PCNX4: variants seen among roughly 807,000 people sequenced by gnomAD.
PCNX4 encodes pecanex 4.
A neutral mutation model predicts 107.2 loss-of-function variants in PCNX4; 103 were observed. That is an observed-to-expected ratio of 0.96 (90% confidence interval 0.82 to 1.13). PCNX4 has a LOEUF of 1.13. Ranked by LOEUF, PCNX4 falls within the 50% of genes most tolerant of loss-of-function variation. The pLI is 0.00. For synonymous variants in PCNX4, 541 were observed against 481.7 expected, an observed-to-expected ratio of 1.12 and a Z score of -1.61; for missense variants, 1,528 against 1,379.4, an observed-to-expected ratio of 1.11 and a Z score of -1.71.
chr14:60,141,740 G>A lies in PCNX4; in HGVS notation c.*7519G>A, dbSNP rs1382290764. On this transcript the variant is annotated 3_prime_UTR_variant, in exon 11 of 11. Coordinates refer to ENST00000406854, the MANE Select transcript of PCNX4 (RefSeq NM_001330177.2). ...TTTTATCGCTGAGTAGTGCTGCATG[G>A]TATAGAATATAACAGTTTGTTTATA... 6.6e-6 allele frequency: 1 copy of A among 152,168 alleles called. No homozygotes were observed. Among genetic ancestry groups the A allele is most frequent in the East Asian group, 1.9e-4 (1 of 5,202 alleles). The allele number at this position is 152,168 out of a possible 1,614,324, so 9.4% of individuals were successfully genotyped here.
At chr14:60,099,917 TAGTC>T (rs1023956740) in intron 1 of PCNX4, among the ~76,000 whole-genome samples, 2 of 151,316 alleles carry the variant, frequency 1.3e-5, no homozygotes, top group South Asian at 4.2e-4. Context: ...AAAAAAAAAT[TAGTC>T]AGGGGTGGTG....
At chr14:60,132,538 C>T (rs1238136471) in intron 10 of PCNX4, among the ~76,000 whole-genome samples, 1 of 152,022 alleles carries the variant, frequency 6.6e-6, no homozygotes, top group Non-Finnish European at 1.5e-5. Flanking sequence ...TCTTCATGAC[C>T]TTAAACTTGG....
intron 2 of PCNX4, chr14:60,108,558 G>C: frequency 6.2e-6 from 2 of 323,616 alleles, no homozygotes; most frequent in Non-Finnish European, 1.2e-5. Context: ...TTTGAGATAA[G>C]GAACTTTTCA....
chr14:60,121,818 G>C (rs537388709), intron 8 of PCNX4, among the ~76,000 whole-genome samples: 2 of 152,194 alleles, frequency 1.3e-5, no homozygotes, highest in Non-Finnish European at 2.9e-5. Flanking sequence ...AAGGTCTCTA[G>C]TGACTGGCAC....
intron 1 of PCNX4, among the ~76,000 whole-genome samples, chr14:60,098,006 C>T (rs531743547): frequency 2.2e-4 from 34 of 152,230 alleles, no homozygotes; most frequent in East Asian, 1.9e-3. Context: ...TCTTCGACTT[C>T]GACGAGGACC....
chr14:60,125,512 A>G, intron 9 of PCNX4, 125 bp from the exon 10 acceptor site: 1 of 811,618 alleles, frequency 1.2e-6, no homozygotes, highest in African/African-American at 1.8e-5. Context: ...TTCTTCCTCC[A>G]CTTTTTATCT....
At chr14:60,128,722 A>G (rs1052056300) in intron 10 of PCNX4, among the ~76,000 whole-genome samples, 9 of 152,340 alleles carry the variant, frequency 5.9e-5, no homozygotes, top group Admixed American at 4.6e-4. Context: ...CTCTTAACTC[A>G]TTTGAAAAGC....
At chr14:60,119,004 C>G (rs1022624029) in intron 7 of PCNX4, among the ~76,000 whole-genome samples, 2 of 152,048 alleles carry the variant, frequency 1.3e-5, no homozygotes. Flanking sequence ...CACCTTTCCC[C>G]GAAGATTTTC....
chr14:60,116,611 G>C (rs1194560462), intron 6 of PCNX4, among the ~76,000 whole-genome samples: 1 of 152,098 alleles, frequency 6.6e-6, no homozygotes, highest in African/African-American at 2.4e-5. Context: ...ATATACAATT[G>C]TGTACAGTAT....
intron 2 of PCNX4, chr14:60,111,001 T>C (rs545983281): frequency 6.0e-6 from 1 of 167,134 alleles, no homozygotes; most frequent in East Asian, 1.9e-4. Context: ...CCAAAGAGCT[T>C]GATGTCTCTC....
rs868026362 is a variant in PCNX4 at position 60,139,977 on chromosome 14, C to T, written c.*5756C>T. 1 of 150,190 alleles carries T rather than the reference C, an allele frequency of 6.7e-6. No homozygotes were observed. The highest frequency in any genetic ancestry group is 1.5e-5 in the Non-Finnish European group (1 of 67,564). The allele number at this position is 150,190 out of a possible 1,614,324, so 9.3% of individuals were successfully genotyped here. On this transcript the variant is annotated 3_prime_UTR_variant, in exon 11 of 11. Transcript: ENST00000406854. ...TAAAAAAAAAAGATTGAAAATGAAC[C>T]TAGTAGTTAAAATATTCTAAGAATA...
chr14:60,114,622 C>A, intron 2 of PCNX4, 78 bp from the exon 3 acceptor site: 3 of 1,201,986 alleles, frequency 2.5e-6, no homozygotes, highest in East Asian at 2.4e-5. Context: ...TGTTGTTATT[C>A]TGTGTTGCTT....
chr14:60,115,814 A>C lies in PCNX4; in HGVS notation c.1453A>C (p.Arg485=). The stretch of plus-strand genomic sequence containing the variant: ...CTGTATTGGATTCACAAGAGCCTTT[A>C]GAATGGTAATCCTAATATGTGTTTA... ...SVCIGFTRAF[R]MVWQNTENAL... is the part of the protein sequence containing the mutation. The change falls in exon 5 of 11, where the codon AGA becomes CGA. Residue 485 remains arginine, a synonymous_variant. Transcript: ENST00000406854. The C allele has an allele frequency of 6.2e-7, 1 of 1,610,194 alleles. No individual in the cohort carries two copies. The highest frequency in any genetic ancestry group is 8.5e-7 in the Non-Finnish European group (1 of 1,176,802).
chr14:60,106,631 G>A (rs139827186), intron 1 of PCNX4, among the ~76,000 whole-genome samples: 14 of 152,312 alleles, frequency 9.2e-5, no homozygotes, highest in African/African-American at 2.6e-4. Flanking sequence ...TAACAAAGAG[G>A]TGATCTAAGG....
In PCNX4 at chr14:60,148,080, C is replaced by T. The variant is rs769690995; in HGVS notation, c.*13859C>T. 3 of 152,204 alleles carry T rather than the reference C, an allele frequency of 2.0e-5. No homozygotes were observed. The highest frequency in any genetic ancestry group is 4.4e-5 in the Non-Finnish European group (3 of 68,038). The allele number at this position is 152,204 out of a possible 1,614,324, so 9.4% of individuals were successfully genotyped here. On this transcript the variant is annotated 3_prime_UTR_variant, in exon 11 of 11. Coordinates refer to ENST00000406854, the MANE Select transcript of PCNX4 (RefSeq NM_001330177.2). The surrounding 1 kb of genome is among the most constrained non-coding windows in gnomAD (Gnocchi z 4.8). The stretch of plus-strand genomic sequence containing the variant: ...CGAAAAGCTCCTTTTTGATTTTTCA[C>T]ACTCTGGACATTTTAGTGTGTCATG...
intron 10 of PCNX4, among the ~76,000 whole-genome samples, chr14:60,131,099 C>G (rs2140568108): frequency 6.6e-6 from 1 of 152,218 alleles, no homozygotes; most frequent in Admixed American, 6.5e-5. Context: ...TCATCAGAAC[C>G]CAGCCATGAA....
rs1288463055 is a variant in PCNX4, at chr14:60,107,643, G to A, written c.5G>A (p.Ser2Asn). ...TCAGAATAATCCCGAGTGAGGATGA[G>A]TCCAGATGTGCCTCTACTGAATGAT... M[S>N]PDVPLLNDYK... is the part of the protein sequence containing the mutation. The change falls in exon 2 of 11, where the codon AGT (serine) becomes AAT (asparagine). Residue 2 changes from serine (S) to asparagine (N), a missense_variant. Physicochemically the swap from Ser to Asn is conservative, Grantham distance 46. Coordinates refer to ENST00000406854, the MANE Select transcript of PCNX4 (RefSeq NM_001330177.2). 2 of 1,611,346 alleles carry A rather than the reference G, an allele frequency of 1.2e-6. No individual in the cohort carries two copies. Among genetic ancestry groups the A allele is most frequent in the East Asian group, 2.2e-5 (1 of 44,884 alleles).
rs375765121 is a variant in PCNX4, at chr14:60,129,614, C to A, written c.3267+3791C>A. Among the ~76,000 whole-genome samples, 4 of 152,254 alleles carry A rather than the reference C, an allele frequency of 2.6e-5. No homozygotes were observed. In the South Asian group the frequency reaches 8.3e-4, roughly 32 times the overall value. On this transcript the variant is annotated intron_variant, in intron 10 of 10. Transcript: ENST00000406854. ...TACTTGCTCCCTTTTCTCTCAGCTT[C>A]TCTTAAAGGCATAAAATTATATAAA...
chr14:60,137,949 G>A lies in PCNX4; in HGVS notation c.*3728G>A, dbSNP rs1303134662. 6.6e-6 allele frequency: 1 copy of A among 151,974 alleles called. No homozygotes were observed. The highest frequency in any genetic ancestry group is 2.4e-5 in the African/African-American group (1 of 41,330). The allele number at this position is 151,974 out of a possible 1,614,324, so 9.4% of individuals were successfully genotyped here. A position where few individuals can be genotyped will look rare whatever the true frequency, so the allele number is the denominator to read the frequency against. ...GTAAAAATAAAAAAAAAAATAACCG[G>A]GTGTGGTGGTGGGTGCCTGTAGTCC... On this transcript the variant is annotated 3_prime_UTR_variant, in exon 11 of 11. Coordinates refer to ENST00000406854, the MANE Select transcript of PCNX4 (RefSeq NM_001330177.2).
Sources: allele counts gnomAD v4.1 joint callset (sites outside exome capture counted in the v4.1 genomes callset), GRCh38; gene constraint gnomAD v4.1.1; non-coding constraint Gnocchi (gnomAD v3.1); transcripts MANE v1.5; gene names NCBI Gene and HGNC (gene_info 2026-07-23, HGNC 2026-07-21).